GLIS3: variants seen among roughly 807,000 people sequenced by gnomAD.
The protein encoded by GLIS3 is GLIS family zinc finger 3, also known as zinc finger protein GLIS3.
A neutral mutation model predicts 78.6 loss-of-function variants in GLIS3; 53 were observed. The ratio of observed to expected loss-of-function variants is 0.67; its 90% CI spans 0.54 to 0.85. The LOEUF (loss-of-function observed/expected upper bound fraction) is 0.85. Ranked by LOEUF, GLIS3 falls within the 40% of genes least tolerant of loss-of-function variation. The probability of loss-of-function intolerance (pLI) is 0.00; values close to 1 mark genes in which losing one functional copy is unlikely to be tolerated. For synonymous variants in GLIS3, 684 were observed against 509.9 expected, an observed-to-expected ratio of 1.34 and a Z score of -4.60; for missense variants, 1,703 against 1,231.1, an observed-to-expected ratio of 1.38 and a Z score of -5.74.
chr9:4,091,542 C>T (rs929785625), intron 4 of GLIS3, among the ~76,000 whole-genome samples: 6 of 152,114 alleles, frequency 3.9e-5, no homozygotes, highest in African/African-American at 1.4e-4. Flanking sequence ...AACACACACA[C>T]ACACAACCAC....
the GLIS3 span, among the ~76,000 whole-genome samples, chr9:4,411,406 T>C: frequency 6.6e-6 from 1 of 152,150 alleles, no homozygotes; most frequent in South Asian, 2.1e-4. Context: ...GGTTATGAGG[T>C]CGTGATACAG....
At chr9:4,016,000 A>G (rs976280561) in intron 4 of GLIS3, among the ~76,000 whole-genome samples, 1 of 152,116 alleles carries the variant, frequency 6.6e-6, no homozygotes, top group Non-Finnish European at 1.5e-5. Context: ...AATTGTCTCA[A>G]TTATACATGC....
chr9:3,827,636 A>C lies in GLIS3; in HGVS notation c.*636T>G, dbSNP rs1156984618. The C allele has an allele frequency of 6.5e-6, 1 of 154,774 alleles. No individual in the cohort carries two copies. The highest frequency in any genetic ancestry group is 6.3e-5 in the Admixed American group (1 of 15,926). 9.6% of individuals were successfully genotyped at this position (154,774 alleles called of 1,614,324 possible). A position where few individuals can be genotyped will look rare whatever the true frequency, so the allele number is the denominator to read the frequency against. ...TTTTTTCATTTTAAAATACGTATAA[A>C]TAACTAAGTCTTTAAAATGCAAAAA... is the stretch of plus-strand genomic sequence containing the variant. On this transcript the variant is annotated 3_prime_UTR_variant, in exon 11 of 11. Transcript: ENST00000381971.
the GLIS3 span, among the ~76,000 whole-genome samples, chr9:4,388,828 G>C: frequency 6.6e-6 from 1 of 152,138 alleles, no homozygotes; most frequent in African/African-American, 2.4e-5. Context: ...ATTAATAATA[G>C]CCAAAAACAT....
the GLIS3 span, among the ~76,000 whole-genome samples, chr9:4,403,344 T>A: frequency 6.6e-6 from 1 of 152,188 alleles, no homozygotes; most frequent in East Asian, 1.9e-4. Context: ...GGGATGTTAA[T>A]GACCAAGAAG....
chr9:4,021,115 A>T (rs1822849230), intron 4 of GLIS3, among the ~76,000 whole-genome samples: 1 of 152,202 alleles, frequency 6.6e-6, no homozygotes, highest in Non-Finnish European at 1.5e-5. Context: ...ATTTTACTAC[A>T]TCATACAAAG....
intron 4 of GLIS3, among the ~76,000 whole-genome samples, chr9:4,115,388 C>A (rs1434498448): frequency 6.6e-6 from 1 of 152,120 alleles, no homozygotes; most frequent in Non-Finnish European, 1.5e-5. Context: ...GGATCGTGAG[C>A]TTTCAGTCAA....
chr9:4,337,347 G>A (rs977590612), intron 2 of GLIS3, among the ~76,000 whole-genome samples: 73 of 152,276 alleles, frequency 4.8e-4, no homozygotes, highest in African/African-American at 1.8e-3. Flanking sequence ...ATTAAATACA[G>A]CCATATGATT....
At chr9:3,859,092 T>G (rs1009745989) in intron 8 of GLIS3, among the ~76,000 whole-genome samples, 2 of 151,974 alleles carry the variant, frequency 1.3e-5, no homozygotes, top group Non-Finnish European at 2.9e-5. Flanking sequence ...TGAGGTAAGG[T>G]CCCTGGGAAT....
At chr9:4,386,232 A>G in the GLIS3 span, among the ~76,000 whole-genome samples, 23 of 152,350 alleles carry the variant, frequency 1.5e-4, no homozygotes, top group South Asian at 1.7e-3. Flanking sequence ...TTACTAAGCT[A>G]TATTACAGTT....
intron 4 of GLIS3, among the ~76,000 whole-genome samples, chr9:3,942,804 G>A (rs773863989): frequency 9.9e-5 from 15 of 152,160 alleles, no homozygotes; most frequent in Non-Finnish European, 2.1e-4. Flanking sequence ...TATACTTTGA[G>A]CAGCAACATT....
the GLIS3 span, among the ~76,000 whole-genome samples, chr9:4,418,107 G>A: frequency 6.6e-6 from 1 of 152,142 alleles, no homozygotes; most frequent in Non-Finnish European, 1.5e-5. Context: ...GAAACACTGG[G>A]CTAGAGGTCT....
chr9:4,074,828 G>C (rs1827911552), intron 4 of GLIS3, among the ~76,000 whole-genome samples: 2 of 152,252 alleles, frequency 1.3e-5, no homozygotes, highest in South Asian at 2.1e-4. Context: ...CCTCCATTTG[G>C]TCATTAGGCA....
chr9:4,395,554 C>T, the GLIS3 span, among the ~76,000 whole-genome samples: 36 of 152,090 alleles, frequency 2.4e-4, no homozygotes, highest in African/African-American at 8.5e-4. Flanking sequence ...GTACTGGTGC[C>T]TGGGAAGGTG....
chr9:4,405,709 A>T, the GLIS3 span, among the ~76,000 whole-genome samples: 64 of 152,198 alleles, frequency 4.2e-4, no homozygotes, highest in African/African-American at 1.5e-3. Flanking sequence ...AATAATTCCA[A>T]ACTCATTCTA....
chr9:4,174,639 T>C (rs772799664), intron 2 of GLIS3, among the ~76,000 whole-genome samples: 3 of 152,222 alleles, frequency 2.0e-5, no homozygotes, highest in Non-Finnish European at 2.9e-5. Flanking sequence ...AACAAGCAGA[T>C]GCTAAGTCTG....
intron 2 of GLIS3, among the ~76,000 whole-genome samples, chr9:4,190,175 T>C (rs148879012): frequency 0.71 from 108,016 of 152,128 alleles, 38,882 homozygotes; most frequent in South Asian, 0.81. Flanking sequence ...GGAACAAAGC[T>C]GGACGGAGAA....
intron 2 of GLIS3, among the ~76,000 whole-genome samples, chr9:4,336,920 C>T (rs868188898): frequency 6.6e-6 from 1 of 152,178 alleles, no homozygotes; most frequent in African/African-American, 2.4e-5. Context: ...CACTAACTCA[C>T]TAAATTCCAA....
chr9:4,385,245 A>C, the GLIS3 span, among the ~76,000 whole-genome samples: 1 of 152,190 alleles, frequency 6.6e-6, no homozygotes, highest in East Asian at 1.9e-4. Flanking sequence ...CTCTGCAGCT[A>C]AAAATTTCAA....
Sources: allele counts gnomAD v4.1 joint callset (sites outside exome capture counted in the v4.1 genomes callset), GRCh38; gene constraint gnomAD v4.1.1; transcripts MANE v1.5; gene names NCBI Gene and HGNC (gene_info 2026-07-23, HGNC 2026-07-21).